The following DAPK1 variants were observed in gnomAD, a reference collection of about 807,000 sequenced individuals.
The protein encoded by DAPK1 is death-associated protein kinase 1.
In DAPK1, 56 loss-of-function variants were observed where a neutral mutation model predicts 144.9. The observed-to-expected ratio is 0.39, with a 90% CI of 0.31 to 0.48. DAPK1 has a LOEUF of 0.48. DAPK1 is among the 20% of genes least tolerant of loss of function. The probability of loss-of-function intolerance (pLI) is 0.95; values close to 1 mark genes in which losing one functional copy is unlikely to be tolerated. For missense variants in DAPK1, 1,454 were observed against 1,875.4 expected (o/e 0.78, Z 4.15); for synonymous variants, 690 against 749.0 (o/e 0.92, Z 1.29).
chr9:87,553,328 ATAAT>A (rs1430313327), intron 2 of DAPK1: 1 of 151,976 alleles, frequency 6.6e-6, no homozygotes, highest in East Asian at 1.9e-4. Flanking sequence ...ATGCTTCTTG[ATAAT>A]TAATATGTGC....
intron 3 of DAPK1, among the ~76,000 whole-genome samples, chr9:87,617,592 A>G (rs1325902304): frequency 6.6e-6 from 1 of 152,096 alleles, no homozygotes; most frequent in Admixed American, 6.5e-5. Context: ...CACTACTGCC[A>G]CTGAAAGGGT....
intron 3 of DAPK1, among the ~76,000 whole-genome samples, chr9:87,616,458 A>C (rs1443058286): frequency 6.6e-6 from 1 of 152,174 alleles, no homozygotes; most frequent in Non-Finnish European, 1.5e-5. Flanking sequence ...GGAGAAGGAC[A>C]GTTTTGGGGG....
intron 3 of DAPK1, among the ~76,000 whole-genome samples, chr9:87,609,698 G>A (rs1381359458): frequency 6.6e-6 from 1 of 152,158 alleles, no homozygotes; most frequent in Non-Finnish European, 1.5e-5. Context: ...TGAAGTACAG[G>A]GGTGGTTAGG....
At chr9:87,640,551 G>T in intron 8 of DAPK1, 101 bp downstream of exon 8, 1 of 1,336,894 alleles carries the variant, frequency 7.5e-7, no homozygotes. Flanking sequence ...GACCCTGCTT[G>T]CTTCATCTGC....
At position 87,508,503 on chromosome 9, in the gene DAPK1, T is replaced by G. The variant is rs548540717; in HGVS notation, c.62+9364T>G. ...GACTACAGGTGCCCGCCACCACACC[T>G]GGCTAATTTTTGGTATTTTTAGTAG... On this transcript the variant is annotated intron_variant, in intron 2 of 25. Transcript: ENST00000408954. Among the ~76,000 whole-genome samples, 3 of 152,066 alleles carry G rather than the reference T, an allele frequency of 2.0e-5. No homozygotes were observed. The East Asian group carries it at 5.8e-4, about 30-fold the overall frequency.
rs561555439 is a variant in DAPK1 at position 87,634,999 on chromosome 9, C to G, written c.285-2944C>G. ...TGGAACCTCAGGATGACTCCGTAAGCTATGATGTTACCCTTTATTTTATAG... is the reference window on the plus strand; with the variant it reads ...TGGAACCTCAGGATGACTCCGTAAGGTATGATGTTACCCTTTATTTTATAG... On this transcript the variant is annotated intron_variant, in intron 3 of 25. Transcript: ENST00000408954. Among the ~76,000 whole-genome samples, 6 of 152,244 alleles carry G rather than the reference C, an allele frequency of 3.9e-5. No homozygotes were observed. In the East Asian group the frequency reaches 9.7e-4, roughly 25 times the overall value.
chr9:87,680,230 G>A (rs1297952187), intron 19 of DAPK1, among the ~76,000 whole-genome samples: 1 of 151,894 alleles, frequency 6.6e-6, no homozygotes, highest in South Asian at 2.1e-4. Context: ...TCAGCCTCCC[G>A]AGTAGCTGGG....
chr9:87,640,426 G>C lies in DAPK1; in HGVS notation c.758G>C (p.Arg253Thr). 1 of 1,614,140 alleles carries C rather than the reference G, an allele frequency of 6.2e-7. No individual in the cohort carries two copies. Among genetic ancestry groups the C allele is most frequent in the Non-Finnish European group, 8.5e-7 (1 of 1,180,002 alleles). ...NTSALAKDFI[R>T]RLLVKDPKKR... is the part of the protein sequence containing the mutation. ...AGTGCCCTAGCCAAAGATTTCATAAGAAGACTTCTGGTCAAGGATCCAAAG... is the reference window on the plus strand; with the variant it reads ...AGTGCCCTAGCCAAAGATTTCATAACAAGACTTCTGGTCAAGGATCCAAAG... The change falls in exon 8 of 26, where the codon AGA (arginine) becomes ACA (threonine). Residue 253 changes from arginine to threonine, a missense_variant. By Grantham distance (71) the Arg-to-Thr change is moderately conservative (BLOSUM62 -1). Coordinates refer to ENST00000408954, the MANE Select transcript of DAPK1 (RefSeq NM_004938.4).
In DAPK1 at chr9:87,707,309, C is replaced by G. The variant is rs763698491; in HGVS notation, c.4238C>G (p.Ser1413Trp). Residue 1413 changes from serine (S) to tryptophan (W), a missense_variant, in exon 26 of 26, where the codon TCG becomes TGG. Around this residue, in one of 2 missense-constraint regions of DAPK1, gnomAD observed 1,025 missense variants for 1,237.9 expected, o/e 0.83. Coordinates refer to ENST00000408954, the MANE Select transcript of DAPK1 (RefSeq NM_004938.4). The surrounding 1 kb of genome is among the most constrained non-coding windows in gnomAD (Gnocchi z 4.0). ...GGCAATGGCCAGGAGGCCTATGCCT[C>G]GAGCTGCAACAGCGGCACCTCTTAC... ...LDGNGQEAYA[S>W]SCNSGTSYNS... 2 of 1,612,074 alleles carry G rather than the reference C, an allele frequency of 1.2e-6. No homozygotes were observed. The highest frequency in any genetic ancestry group is 1.7e-5 in the Admixed American group (1 of 59,916).
At chr9:87,649,855 C>A in intron 15 of DAPK1, 66 bp from the exon 16 acceptor site, 1 of 1,547,932 alleles carries the variant, frequency 6.5e-7, no homozygotes, top group Non-Finnish European at 8.9e-7. Flanking sequence ...GGGACTCTCA[C>A]CTTGCTTTAT....
intron 20 of DAPK1, among the ~76,000 whole-genome samples, chr9:87,683,861 C>T (rs1411144455): frequency 1.3e-5 from 2 of 152,206 alleles, no homozygotes; most frequent in African/African-American, 4.8e-5. Context: ...TCAGCCCAGC[C>T]GTGGGGTCTG....
intron 2 of DAPK1, among the ~76,000 whole-genome samples, chr9:87,548,473 T>C (rs931087976): frequency 2.0e-5 from 3 of 152,156 alleles, no homozygotes; most frequent in Non-Finnish European, 4.4e-5. Flanking sequence ...TTGCAACATA[T>C]AAGTTTGGTA....
intron 8 of DAPK1, 39 bp from the exon 9 acceptor site, chr9:87,640,763 T>C (rs1830067018): frequency 6.2e-7 from 1 of 1,607,330 alleles, no homozygotes; most frequent in Non-Finnish European, 8.5e-7. Flanking sequence ...TTTGCTGCTA[T>C]GGTCACAGCA....
At chr9:87,604,639 C>G (rs1418746261) in intron 2 of DAPK1, among the ~76,000 whole-genome samples, 1 of 152,092 alleles carries the variant, frequency 6.6e-6, no homozygotes, top group Non-Finnish European at 1.5e-5. Context: ...GAAGTGAGGT[C>G]AGATCACAGA....
intron 2 of DAPK1, among the ~76,000 whole-genome samples, chr9:87,541,870 C>T (rs1346459565): frequency 1.6e-4 from 24 of 152,142 alleles, no homozygotes. Flanking sequence ...CTATATAGGC[C>T]ATGCCTATTT....
rs970640127 is a variant in DAPK1, at chr9:87,686,134, C to T, written c.2225-417C>T. On this transcript the variant is annotated intron_variant, in intron 20 of 25. Coordinates refer to ENST00000408954, the MANE Select transcript of DAPK1 (RefSeq NM_004938.4). The surrounding 1 kb of genome is among the most constrained non-coding windows in gnomAD (Gnocchi z 4.2). ...AATCTCATGTGCAAGAGAGAGAAGT[C>T]GCTCAGTGGGAGCTGGAGGAAGACA... 2.0e-5 allele frequency among the ~76,000 whole-genome samples: 3 copies of T among 152,170 alleles called. No individual in the cohort carries two copies. The highest frequency in any genetic ancestry group is 4.8e-5 in the African/African-American group (2 of 41,428).
chr9:87,679,164 G>A (rs1373500432), intron 19 of DAPK1, among the ~76,000 whole-genome samples: 1 of 152,076 alleles, frequency 6.6e-6, no homozygotes, highest in East Asian at 1.9e-4. Context: ...TTCTACACCT[G>A]CCAGGGCTGG....
chr9:87,656,123 C>T (rs1463575569), intron 17 of DAPK1, among the ~76,000 whole-genome samples: 1 of 152,204 alleles, frequency 6.6e-6, no homozygotes, highest in Non-Finnish European at 1.5e-5. Context: ...CAGAGTTGAT[C>T]ACTTAAGATG....
intron 25 of DAPK1, among the ~76,000 whole-genome samples, chr9:87,704,909 A>T (rs3118861): frequency 0.43 from 65,865 of 152,028 alleles, 14,834 homozygotes; most frequent in Middle Eastern, 0.61. Flanking sequence ...ACTCTTCCAT[A>T]AAGGGAAAGT....
Sources: gnomAD v4.1 joint callset for allele counts (sites outside exome capture counted in the v4.1 genomes callset) on GRCh38, gnomAD v4.1.1 for gene constraint, gnomAD v4.1.1 regional missense constraint, Gnocchi (gnomAD v3.1) non-coding constraint, MANE v1.5 for transcripts, NCBI Gene and HGNC (gene_info 2026-07-23, HGNC 2026-07-21) for gene names.